The following SLC22A9 variants were observed in gnomAD, a reference collection of about 807,000 sequenced individuals.
The protein encoded by SLC22A9 is solute carrier family 22 member 9.
In SLC22A9, 64 loss-of-function variants were observed where a neutral mutation model predicts 50.1. The observed-to-expected ratio is 1.28, with a 90% CI of 1.04 to 1.57. The LOEUF (loss-of-function observed/expected upper bound fraction) is 1.57. SLC22A9 is among the 40% of genes most tolerant of loss of function. The pLI, the probability that SLC22A9 is intolerant of heterozygous loss-of-function variation, is 0.00. For synonymous variants in SLC22A9, 261 were observed against 242.5 expected (o/e 1.08, Z -0.71); for missense variants, 757 against 676.1 (o/e 1.12, Z -1.33).
intron 6 of SLC22A9, among the ~76,000 whole-genome samples, chr11:63,386,833 TTTTTG>T (rs1443226246): frequency 3.6e-5 from 5 of 137,176 alleles, no homozygotes; most frequent in African/African-American, 1.4e-4. Context: ...TGATTTTGTT[TTTTTG>T]TTTTGTTTTG....
rs1464857220 is a variant in SLC22A9, at chr11:63,370,136, T to C, written c.80T>C (p.Phe27Ser). The change falls in exon 1 of 10, where the codon TTT becomes TCT. Residue 27 changes from phenylalanine to serine, a missense_variant. Phe to Ser is a radical substitution (Grantham distance 155). Coordinates refer to ENST00000279178, the MANE Select transcript of SLC22A9 (RefSeq NM_080866.3). ...CTTCAGACTGTTTTTCTCTCAATCT[T>C]TGCTGTTGCTACATACCTTCATTTT... ...QILQTVFLSI[F>S]AVATYLHFML... 4 of 1,613,962 alleles carry C rather than the reference T, an allele frequency of 2.5e-6. No homozygotes were observed. The highest frequency in any genetic ancestry group is 2.5e-6 in the Non-Finnish European group (3 of 1,179,932).
At chr11:63,380,642 G>A (rs140795762) in intron 5 of SLC22A9, among the ~76,000 whole-genome samples, 8 of 152,164 alleles carry the variant, frequency 5.3e-5, no homozygotes, top group Non-Finnish European at 8.8e-5. Flanking sequence ...GGTCCAAATG[G>A]AGATTTGTAT....
chr11:63,409,657 C>G (rs2015103821), intron 9 of SLC22A9, 145 bp from the exon 10 acceptor site: 2 of 744,138 alleles, frequency 2.7e-6, no homozygotes, highest in East Asian at 3.0e-5. Context: ...ACAAGGTTTA[C>G]TCAATCCCTT....
intron 6 of SLC22A9, among the ~76,000 whole-genome samples, chr11:63,382,579 G>A (rs558406605): frequency 3.7e-4 from 57 of 152,236 alleles, no homozygotes; most frequent in African/African-American, 1.3e-3. Context: ...TTTGTTTCCA[G>A]TTTTAATGAG....
At chr11:63,396,308 C>A (rs1362151347) in intron 6 of SLC22A9, among the ~76,000 whole-genome samples, 4 of 152,192 alleles carry the variant, frequency 2.6e-5, no homozygotes, top group Non-Finnish European at 5.9e-5. Context: ...TCCACAGCCC[C>A]CCACAAAGTG....
Position 63,371,221 on chromosome 11 carries a change from C to T in SLC22A9, c.489C>T (p.Gly163=), listed in dbSNP as rs144632216. Residue 163 remains glycine (G), a synonymous_variant, in exon 2 of 10, where the codon GGC becomes GGT. Transcript: ENST00000279178. The stretch of plus-strand genomic sequence containing the variant: ...GAATGATGGTGGGAGGCATCCTAGG[C>T]GGTCATTTATCAGACAGGTGAGTGT... ...MAGMMVGGIL[G]GHLSDRFGRR... is the part of the protein sequence containing the mutation. 1.6e-4 allele frequency: 256 copies of T among 1,612,584 alleles called. No homozygotes were observed. The highest frequency in any genetic ancestry group is 2.1e-4 in the African/African-American group (16 of 74,944).
intron 7 of SLC22A9, among the ~76,000 whole-genome samples, chr11:63,407,374 C>A (rs1407247697): frequency 6.6e-6 from 1 of 152,168 alleles, no homozygotes; most frequent in Non-Finnish European, 1.5e-5. Flanking sequence ...CTTCACCTAA[C>A]TCTTAGTGTA....
chr11:63,406,401 T>C, intron 6 of SLC22A9, 96 bp from the exon 7 acceptor site: 2 of 1,105,770 alleles, frequency 1.8e-6, no homozygotes, highest in South Asian at 3.0e-5. Flanking sequence ...CTTTATACTT[T>C]AACAATCCCT....
intron 6 of SLC22A9, among the ~76,000 whole-genome samples, chr11:63,398,473 G>A (rs745563586): frequency 2.6e-5 from 4 of 152,120 alleles, no homozygotes; most frequent in Non-Finnish European, 5.9e-5. Flanking sequence ...GTCCATGATG[G>A]TGAGGCTTGT....
At chr11:63,403,400 A>G (rs948784982) in intron 6 of SLC22A9, among the ~76,000 whole-genome samples, 1 of 152,090 alleles carries the variant, frequency 6.6e-6, no homozygotes, top group Non-Finnish European at 1.5e-5. Flanking sequence ...ATGAAAAGAA[A>G]TACTTTCCCA....
At chr11:63,385,533 G>A (rs1211563025) in intron 6 of SLC22A9, among the ~76,000 whole-genome samples, 1 of 151,958 alleles carries the variant, frequency 6.6e-6, no homozygotes, top group East Asian at 1.9e-4. Context: ...GTATTCCTAG[G>A]TATTTTATTC....
chr11:63,403,087 A>G (rs542119994), intron 6 of SLC22A9, among the ~76,000 whole-genome samples: 5 of 152,300 alleles, frequency 3.3e-5, no homozygotes, highest in Admixed American at 2.6e-4. Context: ...TAAGAATTTC[A>G]GACTATTAAG....
chr11:63,382,030 A>T, intron 5 of SLC22A9, 129 bp from the exon 6 acceptor site: 1 of 652,266 alleles, frequency 1.5e-6, no homozygotes, highest in Non-Finnish European at 2.7e-6. Context: ...ATTGCATTTT[A>T]AGGCTTATAT....
intron 6 of SLC22A9, among the ~76,000 whole-genome samples, chr11:63,393,151 C>A (rs1014589207): frequency 6.6e-6 from 1 of 152,090 alleles, no homozygotes; most frequent in Non-Finnish European, 1.5e-5. Context: ...TTTGTGTCAT[C>A]CATGATTTCT....
rs2015118956 is a variant in SLC22A9, at chr11:63,410,253, A to AAAAAAAAAAAAAAAAGG, written c.*398_*399insAAAAAAAAGGAAAAAAA. 1 of 81,380 alleles carries AAAAAAAAAAAAAAAAGG rather than the reference A, an allele frequency of 1.2e-5. No individual in the cohort carries two copies. Among genetic ancestry groups the AAAAAAAAAAAAAAAAGG allele is most frequent in the South Asian group, 4.5e-4 (1 of 2,198 alleles). The allele number at this position is 81,380 out of a possible 1,614,324, so 5.0% of individuals were successfully genotyped here. ...GAGACTGTCTCAAAAAAAAAAAAAA[A>AAAAAAAAAAAAAAAAGG]AAAAAAAGAAAGAAGGAAAGAAAGA... On this transcript the variant is annotated 3_prime_UTR_variant, in exon 10 of 10. Coordinates refer to ENST00000279178, the MANE Select transcript of SLC22A9 (RefSeq NM_080866.3).
chr11:63,383,087 G>A lies in SLC22A9; in HGVS notation c.1073+810G>A, dbSNP rs115458054. On this transcript the variant is annotated intron_variant, in intron 6 of 9. Coordinates refer to ENST00000279178, the MANE Select transcript of SLC22A9 (RefSeq NM_080866.3). ...ACTTATGGAACTTGCATATTTGGAT[G>A]TTTGGGTCACTGAATAGAAGGTGAG... Among the ~76,000 whole-genome samples, 346 of 152,294 alleles carry A rather than the reference G, an allele frequency of 2.3e-3. 1 individual carries two copies. Among genetic ancestry groups the A allele is most frequent in the African/African-American group, 7.4e-3 (309 of 41,564 alleles).
chr11:63,392,078 C>G (rs891383129), intron 6 of SLC22A9, among the ~76,000 whole-genome samples: 1 of 152,006 alleles, frequency 6.6e-6, no homozygotes, highest in Non-Finnish European at 1.5e-5. Flanking sequence ...CATAAACAAA[C>G]AAATAAGGAA....
At chr11:63,398,590 C>A (rs2014900861) in intron 6 of SLC22A9, among the ~76,000 whole-genome samples, 1 of 152,156 alleles carries the variant, frequency 6.6e-6, no homozygotes, top group African/African-American at 2.4e-5. Flanking sequence ...TGCTGCTTTC[C>A]TCTGTGACAG....
chr11:63,397,950 G>C (rs2014888574), intron 6 of SLC22A9, among the ~76,000 whole-genome samples: 1 of 152,126 alleles, frequency 6.6e-6, no homozygotes, highest in Non-Finnish European at 1.5e-5. Flanking sequence ...TCAAGTAGAA[G>C]GAGTGTCTCC....
Sources: allele counts gnomAD v4.1 joint callset (sites outside exome capture counted in the v4.1 genomes callset), GRCh38; gene constraint gnomAD v4.1.1; transcripts MANE v1.5; gene names NCBI Gene and HGNC (gene_info 2026-07-23, HGNC 2026-07-21).